The following RSPO2 variants were observed in gnomAD, a reference collection of about 807,000 sequenced individuals.
RSPO2 encodes R-spondin-2.
In RSPO2, 14 loss-of-function variants were observed where a neutral mutation model predicts 30.9. The ratio of observed to expected loss-of-function variants is 0.45; its 90% CI spans 0.30 to 0.71. The LOEUF (loss-of-function observed/expected upper bound fraction) is 0.71. Ranked by LOEUF, RSPO2 falls within the 30% of genes least tolerant of loss-of-function variation. The pLI is 0.08. For missense variants in RSPO2, 264 were observed against 301.9 expected, an observed-to-expected ratio of 0.87 and a Z score of 0.93; for synonymous variants, 107 against 96.4, an observed-to-expected ratio of 1.11 and a Z score of -0.64.
intron 2 of RSPO2, among the ~76,000 whole-genome samples, chr8:108,013,216 G>A (rs2130591130): frequency 1.3e-5 from 2 of 152,286 alleles, no homozygotes; most frequent in Admixed American, 1.3e-4. Flanking sequence ...ACTTAAACTA[G>A]AAACTTAACT....
At chr8:107,983,208 T>A (rs1324049611) in intron 3 of RSPO2, 8 of 1,574,962 alleles carry the variant, frequency 5.1e-6, no homozygotes, top group African/African-American at 1.4e-5. Flanking sequence ...AAGAGGCTAT[T>A]TCTTGTCACA....
intron 5 of RSPO2, among the ~76,000 whole-genome samples, chr8:107,919,666 G>A (rs1812090612): frequency 6.6e-6 from 1 of 152,042 alleles, no homozygotes; most frequent in Non-Finnish European, 1.5e-5. Flanking sequence ...AACTGACTCA[G>A]CACAAGATGA....
At chr8:108,063,025 A>C (rs199528998) in intron 2 of RSPO2, among the ~76,000 whole-genome samples, 2 of 151,528 alleles carry the variant, frequency 1.3e-5, no homozygotes, top group South Asian at 2.1e-4. Flanking sequence ...ATTGATAGGA[A>C]GTATCTCAAA....
intron 5 of RSPO2, among the ~76,000 whole-genome samples, chr8:107,921,953 AAAT>A (rs1262528049): frequency 6.6e-6 from 1 of 152,162 alleles, no homozygotes. Context: ...ACATACCTGA[AAAT>A]AATAAGAGCC....
intron 2 of RSPO2, among the ~76,000 whole-genome samples, chr8:108,051,721 A>T (rs756158207): frequency 1.3e-5 from 2 of 152,246 alleles, no homozygotes; most frequent in Admixed American, 6.5e-5. Flanking sequence ...CCATTCCTTC[A>T]ACATGAGGCC....
intron 5 of RSPO2, among the ~76,000 whole-genome samples, chr8:107,947,926 G>A (rs1813118405): frequency 6.6e-6 from 1 of 152,206 alleles, no homozygotes; most frequent in African/African-American, 2.4e-5. Flanking sequence ...GGTGCATGAG[G>A]CACATTCTGG....
chr8:107,999,366 T>TTAATC (rs10679869), intron 2 of RSPO2, among the ~76,000 whole-genome samples: 70,158 of 121,860 alleles, frequency 0.58, 20,676 homozygotes, highest in African/African-American at 0.86. Context: ...TTAAAGGTCT[T>TTAATC]AGATCATTTG....
chr8:108,005,310 G>A (rs188054993), intron 2 of RSPO2, among the ~76,000 whole-genome samples: 4 of 152,122 alleles, frequency 2.6e-5, no homozygotes, highest in Admixed American at 2.6e-4. Context: ...TTCTGTAATT[G>A]GTAAGTATTT....
At chr8:107,988,551 TTG>T (rs1395902980) in intron 3 of RSPO2, among the ~76,000 whole-genome samples, 1 of 152,182 alleles carries the variant, frequency 6.6e-6, no homozygotes, top group African/African-American at 2.4e-5. Flanking sequence ...GTATGTGGAA[TTG>T]TGTCTTACAG....
intron 5 of RSPO2, among the ~76,000 whole-genome samples, chr8:107,940,613 C>T (rs576582131): frequency 1.3e-5 from 2 of 152,282 alleles, no homozygotes; most frequent in East Asian, 1.9e-4. Context: ...AGCTTCTTGG[C>T]CCAAGGCCAT....
chr8:107,971,004 C>G (rs570473675), intron 3 of RSPO2, among the ~76,000 whole-genome samples: 1 of 152,318 alleles, frequency 6.6e-6, no homozygotes, highest in East Asian at 1.9e-4. Flanking sequence ...TGCATGTTAC[C>G]TGCTTTGTAA....
At chr8:108,007,363 G>C (rs1046830281) in intron 2 of RSPO2, among the ~76,000 whole-genome samples, 5 of 150,382 alleles carry the variant, frequency 3.3e-5, no homozygotes, top group Non-Finnish European at 5.9e-5. Flanking sequence ...ACCATTTGGT[G>C]AAAGTTTATT....
chr8:108,068,026 G>A (rs1445758078), intron 2 of RSPO2, among the ~76,000 whole-genome samples: 5 of 152,042 alleles, frequency 3.3e-5, no homozygotes, highest in South Asian at 2.1e-4. Flanking sequence ...CTGAGACCAC[G>A]CCATTGCACT....
rs2130744243 is a variant in RSPO2 at position 108,082,769 on chromosome 8, C to T, written c.-131G>A. 1.5e-6 allele frequency: 1 copy of T among 681,024 alleles called. No homozygotes were observed. The highest frequency in any genetic ancestry group is 2.5e-6 in the Non-Finnish European group (1 of 396,700). 42.2% of individuals were successfully genotyped at this position (681,024 alleles called of 1,614,324 possible). ...CTCGCCACTCACCCCCGGGCCGCAC[C>T]GGTCAGTTCAGCGCGATCAGCATCT... On this transcript the variant is annotated 5_prime_UTR_variant, in exon 2 of 6. Coordinates refer to ENST00000276659, the MANE Select transcript of RSPO2 (RefSeq NM_178565.5).
chr8:107,972,977 G>T (rs906852419), intron 3 of RSPO2, among the ~76,000 whole-genome samples: 4 of 152,082 alleles, frequency 2.6e-5, no homozygotes, highest in Non-Finnish European at 5.9e-5. Flanking sequence ...ATTTGTTTAA[G>T]AAAAAGCTGG....
chr8:107,954,147 A>G (rs1366908244), intron 5 of RSPO2, among the ~76,000 whole-genome samples: 1 of 152,196 alleles, frequency 6.6e-6, no homozygotes, highest in African/African-American at 2.4e-5. Context: ...TCCCACACAG[A>G]TAGGACAGAA....
At chr8:107,925,049 CAT>C (rs1215878903) in intron 5 of RSPO2, among the ~76,000 whole-genome samples, 5 of 152,074 alleles carry the variant, frequency 3.3e-5, no homozygotes, top group African/African-American at 7.2e-5. Context: ...TAAGTGATAA[CAT>C]ATGATTTTTT....
chr8:107,928,340 C>T (rs551668825), intron 5 of RSPO2, among the ~76,000 whole-genome samples: 8 of 152,228 alleles, frequency 5.3e-5, no homozygotes, highest in African/African-American at 1.9e-4. Context: ...GAATAATTAG[C>T]TTTTTATATA....
chr8:107,911,264 C>T (rs774005654), intron 5 of RSPO2, among the ~76,000 whole-genome samples: 11 of 152,170 alleles, frequency 7.2e-5, no homozygotes, highest in Non-Finnish European at 1.6e-4. Flanking sequence ...GAGAGGAATT[C>T]AACATGCCTC....
Sources: gnomAD v4.1 joint callset for allele counts (sites outside exome capture counted in the v4.1 genomes callset) on GRCh38, gnomAD v4.1.1 for gene constraint, MANE v1.5 for transcripts, NCBI Gene and HGNC (gene_info 2026-07-23, HGNC 2026-07-21) for gene names.